Variants in ZNF713 observed in about 807,000 individuals in gnomAD.
The protein encoded by ZNF713 is zinc finger protein 713.
A neutral mutation model predicts 28.7 loss-of-function variants in ZNF713; 21 were observed. The ratio of observed to expected loss-of-function variants is 0.73; its 90% CI spans 0.52 to 1.05. ZNF713 has a LOEUF of 1.05. Among genes scored for constraint, ZNF713 ranks in the 50% least tolerant of loss-of-function variants. ZNF713 has a pLI of 0.00. For synonymous variants in ZNF713, 167 were observed against 178.0 expected (o/e 0.94, Z 0.49); for missense variants, 458 against 532.4 (o/e 0.86, Z 1.37).
At chr7:55,889,355 G>GC (rs1355568519) in intron 1 of ZNF713, among the ~76,000 whole-genome samples, 1 of 152,060 alleles carries the variant, frequency 6.6e-6, no homozygotes, top group Non-Finnish European at 1.5e-5. Context: ...GCCCACCTCG[G>GC]CCTCCCAAGT....
chr7:55,923,525 A>G (rs1786034802), intron 5 of ZNF713, 82 bp from the exon 6 acceptor site: 5 of 1,295,260 alleles, frequency 3.9e-6, no homozygotes, highest in African/African-American at 2.9e-5. Flanking sequence ...CAGAGGCTCT[A>G]AAGATTGAAA....
Position 55,939,781 on chromosome 7 carries a change from T to A in ZNF713, c.1107T>A (p.Pro369=), listed in dbSNP as rs114300544. 332 of 1,614,090 alleles carry A rather than the reference T, an allele frequency of 2.1e-4. 2 individuals carry two copies. In the African/African-American group the frequency reaches 3.7e-3, roughly 18 times the overall value. Residue 369 remains proline, a synonymous_variant, in exon 7 of 7, where the codon CCT becomes CCA. Coordinates refer to ENST00000429591, the MANE Select transcript of ZNF713 (RefSeq NM_182633.3). ...ATAGACTTCATACCGGAGAGAAACC[T>A]TACGAATGTGGTTTCTGTGGCAAAG... The part of the protein sequence containing the change: ...EHHRLHTGEK[P]YECGFCGKAF...
At chr7:55,920,064 G>A (rs1284869215) in intron 4 of ZNF713, among the ~76,000 whole-genome samples, 1 of 152,134 alleles carries the variant, frequency 6.6e-6, no homozygotes, top group African/African-American at 2.4e-5. Flanking sequence ...CTGAGACACA[G>A]CAATATTGAA....
In ZNF713 at chr7:55,915,902, T is replaced by G. The variant is rs140157969; in HGVS notation, c.87+3179T>G. ...CATTAAAAATCATCCTGGTGCTATA[T>G]ACTAACTGAATTTGTGAGAGGCAGA... is the stretch of plus-strand genomic sequence containing the variant. On this transcript the variant is annotated intron_variant, in intron 4 of 6. Coordinates refer to ENST00000429591, the MANE Select transcript of ZNF713 (RefSeq NM_182633.3). 9.4e-4 allele frequency among the ~76,000 whole-genome samples: 143 copies of G among 152,322 alleles called. 1 individual carries two copies. In the Middle Eastern group the frequency reaches 0.01, roughly 11 times the overall value.
chr7:55,923,763 G>A (rs935430705), intron 6 of ZNF713, 64 bp downstream of exon 6: 1 of 1,312,664 alleles, frequency 7.6e-7, no homozygotes, highest in East Asian at 2.4e-5. Flanking sequence ...GAACCACTCA[G>A]TGGAGTGTTC....
chr7:55,909,785 T>A (rs1785750167), intron 2 of ZNF713, among the ~76,000 whole-genome samples: 1 of 152,216 alleles, frequency 6.6e-6, no homozygotes, highest in South Asian at 2.1e-4. Context: ...TAGGTAATTT[T>A]GTGTGGCTAT....
Position 55,940,058 on chromosome 7 carries a change from C to T in ZNF713, c.*52C>T, listed in dbSNP as rs1225410585. ...ATATAAATGTAGGAGATTTTTTGGT[C>T]AGACCTTTTTATCCCATTCAATATC... On this transcript the variant is annotated 3_prime_UTR_variant, in exon 7 of 7. Transcript: ENST00000429591. 8.0e-6 allele frequency: 12 copies of T among 1,507,684 alleles called. No individual in the cohort carries two copies. The highest frequency in any genetic ancestry group is 1.4e-5 in the African/African-American group (1 of 71,402). 93.4% of individuals were successfully genotyped at this position (1,507,684 alleles called of 1,614,324 possible).
chr7:55,888,256 G>A (rs1348107398), intron 1 of ZNF713, among the ~76,000 whole-genome samples: 1 of 152,036 alleles, frequency 6.6e-6, no homozygotes, highest in East Asian at 1.9e-4. Context: ...TGTGGTAAGG[G>A]GTTAGGTAGA....
chr7:55,940,499 A>T lies in ZNF713; in HGVS notation c.*493A>T. 2.0e-6 allele frequency: 2 copies of T among 983,034 alleles called. No individual in the cohort carries two copies. Among genetic ancestry groups the T allele is most frequent in the South Asian group, 9.4e-5 (2 of 21,242 alleles). 60.9% of individuals were successfully genotyped at this position (983,034 alleles called of 1,614,324 possible). On this transcript the variant is annotated 3_prime_UTR_variant, in exon 7 of 7. Coordinates refer to ENST00000429591, the MANE Select transcript of ZNF713 (RefSeq NM_182633.3). The stretch of plus-strand genomic sequence containing the variant: ...GCATATTACATTCCCAGGAGGGGTT[A>T]TAAAAAGAAAAAATAATTTATTTTA...
chr7:55,911,143 T>C (rs538633313), intron 2 of ZNF713, among the ~76,000 whole-genome samples: 1 of 152,336 alleles, frequency 6.6e-6, no homozygotes, highest in African/African-American at 2.4e-5. Context: ...GGAACTGCAG[T>C]TTTCTCTTTT....
At chr7:55,938,709 A>T (rs1316579075) in intron 6 of ZNF713, among the ~76,000 whole-genome samples, 3 of 152,116 alleles carry the variant, frequency 2.0e-5, no homozygotes, top group Non-Finnish European at 4.4e-5. Context: ...TCTCCTGTCC[A>T]TCTGCTTTCA....
intron 2 of ZNF713, among the ~76,000 whole-genome samples, chr7:55,908,713 C>T (rs938196737): frequency 2.0e-5 from 3 of 151,854 alleles, no homozygotes; most frequent in African/African-American, 7.3e-5. Context: ...ATTTCTTTTG[C>T]AGTGCAGAAA....
chr7:55,931,865 T>G (rs1279317925), intron 6 of ZNF713, among the ~76,000 whole-genome samples: 1 of 152,154 alleles, frequency 6.6e-6, no homozygotes, highest in Non-Finnish European at 1.5e-5. Flanking sequence ...TCCAGACTCC[T>G]GTGTAGTAGG....
chr7:55,889,529 T>C (rs2116152046), intron 1 of ZNF713, among the ~76,000 whole-genome samples: 1 of 152,372 alleles, frequency 6.6e-6, no homozygotes. Context: ...TCTAAATAGA[T>C]AGTTATTCGG....
chr7:55,922,944 C>T (rs1177605813), intron 4 of ZNF713, among the ~76,000 whole-genome samples: 1 of 152,110 alleles, frequency 6.6e-6, no homozygotes, highest in Non-Finnish European at 1.5e-5. Flanking sequence ...AAACTGTAAA[C>T]ACTTAAACGC....
intron 6 of ZNF713, among the ~76,000 whole-genome samples, chr7:55,931,278 C>A (rs549678801): frequency 6.6e-6 from 1 of 150,634 alleles, no homozygotes. Context: ...AAGAGCAAAA[C>A]TGTCTCAAAA....
At chr7:55,927,725 C>T (rs765736097) in intron 6 of ZNF713, among the ~76,000 whole-genome samples, 7 of 151,576 alleles carry the variant, frequency 4.6e-5, no homozygotes, top group Admixed American at 1.3e-4. Flanking sequence ...GGTAAAACCC[C>T]GTCTCTACTA....
At chr7:55,900,971 G>A (rs982230313) in intron 1 of ZNF713, among the ~76,000 whole-genome samples, 6 of 152,204 alleles carry the variant, frequency 3.9e-5, no homozygotes, top group Non-Finnish European at 4.4e-5. Context: ...GCGTCTTGCT[G>A]ATAATGCATT....
intron 6 of ZNF713, among the ~76,000 whole-genome samples, chr7:55,931,106 T>G (rs984612673): frequency 6.6e-6 from 1 of 152,106 alleles, no homozygotes; most frequent in African/African-American, 2.4e-5. Context: ...ACCAACCTGA[T>G]GAAACCCTGT....
Sources: allele counts gnomAD v4.1 joint callset (sites outside exome capture counted in the v4.1 genomes callset), GRCh38; gene constraint gnomAD v4.1.1; transcripts MANE v1.5; gene names NCBI Gene and HGNC (gene_info 2026-07-23, HGNC 2026-07-21).